Variants in SGCZ observed in about 807,000 individuals in gnomAD.
SGCZ encodes zeta-sarcoglycan.
SGCZ carries 40 observed loss-of-function variants against 41.3 expected under a neutral mutation model. The observed-to-expected ratio is 0.97, with a 90% CI of 0.75 to 1.26. SGCZ has a LOEUF of 1.26. Among genes scored for constraint, SGCZ ranks in the 50% most tolerant of loss-of-function variants. The pLI is 0.00. For synonymous variants in SGCZ, 206 were observed against 137.5 expected, an observed-to-expected ratio of 1.50 and a Z score of -3.49; for missense variants, 552 against 369.8, an observed-to-expected ratio of 1.49 and a Z score of -4.04.
intron 5 of SGCZ, among the ~76,000 whole-genome samples, chr8:14,134,934 A>G (rs1380382144): frequency 6.6e-6 from 1 of 152,204 alleles, no homozygotes; most frequent in Non-Finnish European, 1.5e-5. Context: ...TTTAACATAA[A>G]TTATTATGTT....
chr8:14,304,125 G>A (rs549262698), intron 3 of SGCZ, among the ~76,000 whole-genome samples: 1 of 152,114 alleles, frequency 6.6e-6, no homozygotes, highest in Admixed American at 6.5e-5. Context: ...CACCTATAAG[G>A]GATTCAGCAT....
intron 3 of SGCZ, among the ~76,000 whole-genome samples, chr8:14,246,227 G>C (rs558741961): frequency 2.1e-3 from 327 of 152,302 alleles, no homozygotes; most frequent in Non-Finnish European, 4.2e-3. Context: ...ACTGGATTAA[G>C]AAAATGTGGC....
chr8:15,204,900 C>A (rs1471350216), intron 1 of SGCZ, among the ~76,000 whole-genome samples: 1 of 152,178 alleles, frequency 6.6e-6, no homozygotes, highest in Non-Finnish European at 1.5e-5. Flanking sequence ...AAAAATTTCA[C>A]AGACATTAAA....
At chr8:14,581,044 T>C (rs1354765702) in intron 1 of SGCZ, among the ~76,000 whole-genome samples, 4 of 152,208 alleles carry the variant, frequency 2.6e-5, no homozygotes, top group Non-Finnish European at 4.4e-5. Context: ...TACTTTCCTC[T>C]AAAATAGTAA....
chr8:14,246,160 C>T (rs572994838), intron 3 of SGCZ, among the ~76,000 whole-genome samples: 16 of 152,204 alleles, frequency 1.1e-4, no homozygotes, highest in African/African-American at 3.4e-4. Flanking sequence ...ATGTTTATTG[C>T]GGCTGTATTC....
intron 1 of SGCZ, among the ~76,000 whole-genome samples, chr8:14,793,677 G>C (rs368986815): frequency 6.6e-6 from 1 of 152,224 alleles, no homozygotes; most frequent in South Asian, 2.1e-4. Context: ...GATTGCAAAT[G>C]GGTAGGCATG....
chr8:14,479,863 A>G (rs1339160999), intron 2 of SGCZ, among the ~76,000 whole-genome samples: 1 of 151,084 alleles, frequency 6.6e-6, no homozygotes, highest in Admixed American at 6.6e-5. Context: ...CTCCTGCCTC[A>G]GGCTCCCAAG....
At chr8:14,449,088 G>A (rs527606090) in intron 2 of SGCZ, among the ~76,000 whole-genome samples, 5 of 152,234 alleles carry the variant, frequency 3.3e-5, no homozygotes, top group African/African-American at 9.6e-5. Flanking sequence ...AACAAGTCCT[G>A]CCAGCAAGTC....
chr8:14,775,076 A>C (rs1800360120), intron 1 of SGCZ, among the ~76,000 whole-genome samples: 1 of 152,190 alleles, frequency 6.6e-6, no homozygotes, highest in Non-Finnish European at 1.5e-5. Context: ...AGAAAATTGC[A>C]CTAATAAAAC....
At chr8:14,938,025 A>T (rs1800140399) in intron 1 of SGCZ, among the ~76,000 whole-genome samples, 1 of 152,168 alleles carries the variant, frequency 6.6e-6, no homozygotes, top group Admixed American at 6.5e-5. Context: ...GAACATTCAA[A>T]ATTCACTCTG....
chr8:14,877,020 C>A (rs540203606), intron 1 of SGCZ, among the ~76,000 whole-genome samples: 19 of 152,296 alleles, frequency 1.2e-4, no homozygotes, highest in African/African-American at 4.6e-4. Context: ...TGTCACCAGG[C>A]TGGAGCACAG....
At chr8:15,040,133 A>C (rs1238762986) in intron 1 of SGCZ, among the ~76,000 whole-genome samples, 1 of 152,242 alleles carries the variant, frequency 6.6e-6, no homozygotes, top group Admixed American at 6.5e-5. Context: ...TTTGTTATTT[A>C]AATAGGTACA....
chr8:14,231,658 C>G (rs549920371), intron 4 of SGCZ, among the ~76,000 whole-genome samples: 1 of 152,118 alleles, frequency 6.6e-6, no homozygotes, highest in East Asian at 1.9e-4. Context: ...ATGAATCCAG[C>G]ATTCTTTAAA....
intron 3 of SGCZ, among the ~76,000 whole-genome samples, chr8:14,256,675 C>T (rs915151187): frequency 6.6e-6 from 1 of 152,106 alleles, no homozygotes; most frequent in African/African-American, 2.4e-5. Flanking sequence ...TTCTAAAATG[C>T]TCCATCCAAT....
intron 1 of SGCZ, among the ~76,000 whole-genome samples, chr8:14,956,207 T>A (rs1392586990): frequency 6.6e-6 from 1 of 151,912 alleles, no homozygotes; most frequent in Non-Finnish European, 1.5e-5. Flanking sequence ...ACCTAGCTAA[T>A]TTTTGTATAT....
In SGCZ at chr8:14,317,721, T is replaced by C. The variant is rs554284410; in HGVS notation, c.336+6382A>G. Among the ~76,000 whole-genome samples the C allele has an allele frequency of 9.9e-5, 15 of 152,008 alleles. No individual in the cohort carries two copies. In the East Asian group the frequency reaches 2.9e-3, roughly 29 times the overall value. On this transcript the variant is annotated intron_variant, in intron 3 of 7. Coordinates refer to ENST00000382080, the MANE Select transcript of SGCZ (RefSeq NM_139167.4). ...CAGGCTCCTAGATAAGGGGACTCAA[T>C]ACTGTCAGGTTAGTGCAAAAGTAAC...
intron 1 of SGCZ, among the ~76,000 whole-genome samples, chr8:14,725,718 GAGA>G (rs1810027062): frequency 6.6e-6 from 1 of 152,132 alleles, no homozygotes; most frequent in Non-Finnish European, 1.5e-5. Context: ...AAGGGAAATA[GAGA>G]AGGAGTGTTT....
At chr8:15,026,309 A>G (rs1803456636) in intron 1 of SGCZ, among the ~76,000 whole-genome samples, 1 of 152,182 alleles carries the variant, frequency 6.6e-6, no homozygotes. Context: ...ATAATTTCTG[A>G]ATGTCCTACA....
chr8:14,641,361 TGTTTTA>T (rs1306348520), intron 1 of SGCZ, among the ~76,000 whole-genome samples: 1 of 151,912 alleles, frequency 6.6e-6, no homozygotes, highest in Non-Finnish European at 1.5e-5. Context: ...ATACAGTTTA[TGTTTTA>T]AAGTATTTTA....
Sources: allele counts gnomAD v4.1 joint callset (sites outside exome capture counted in the v4.1 genomes callset), GRCh38; gene constraint gnomAD v4.1.1; transcripts MANE v1.5; gene names NCBI Gene and HGNC (gene_info 2026-07-23, HGNC 2026-07-21).